Variants in ZNF683 observed in about 807,000 individuals in gnomAD.
ZNF683 encodes the protein zinc finger protein 683, also known as tissue-resident T-cell transcription regulator protein ZNF683.
A neutral mutation model predicts 31.4 loss-of-function variants in ZNF683; 20 were observed. That is an observed-to-expected ratio of 0.64 (90% confidence interval 0.45 to 0.93). ZNF683 has a LOEUF of 0.93. Ranked by LOEUF, ZNF683 falls within the 40% of genes least tolerant of loss-of-function variation. ZNF683 has a pLI of 0.00. For missense variants in ZNF683, 621 were observed against 637.2 expected (o/e 0.97, Z 0.27); for synonymous variants, 264 against 267.6 (o/e 0.99, Z 0.13).
intron 3 of ZNF683, among the ~76,000 whole-genome samples, chr1:26,366,342 C>CAAA (rs1173737722): frequency 2.3e-4 from 16 of 68,952 alleles, no homozygotes; most frequent in East Asian, 5.8e-4. Flanking sequence ...CAGCCTATCT[C>CAAA]AAAAAAAAAA....
At chr1:26,363,213 GTCC>G (rs2124121454) in intron 4 of ZNF683, 59 bp from the exon 5 acceptor site, 1 of 1,558,194 alleles carries the variant, frequency 6.4e-7, no homozygotes, top group Non-Finnish European at 8.7e-7. Flanking sequence ...AGGGCCTGAG[GTCC>G]TCTCCAAATC....
At chr1:26,373,744 C>A (rs1162498101), upstream of ZNF683, among the ~76,000 whole-genome samples, 1 of 152,174 alleles carries the variant, frequency 6.6e-6, no homozygotes, top group African/African-American at 2.4e-5. Flanking sequence ...ATTATACATG[C>A]CCAGAATAGA....
Position 26,361,719 on chromosome 1 carries a change from T to G in ZNF683, c.1447A>C (p.Lys483Gln). ...EVKVSSTSQGKARAVSLSSAG... is the reference protein window; with the variant it reads ...EVKVSSTSQGQARAVSLSSAG... ...CTGCTCAGGCTCACTGCTCTTGCTT[T>G]CCCCTGGGATGTCGAGGACACTTTG... The change falls in exon 6 of 6, where the codon AAA becomes CAA. Residue 483 changes from lysine to glutamine, a missense_variant. Coordinates refer to ENST00000349618, the MANE Select transcript of ZNF683 (RefSeq NM_001114759.3). 1.2e-6 allele frequency: 2 copies of G among 1,614,044 alleles called. No individual in the cohort carries two copies. Among genetic ancestry groups the G allele is most frequent in the Non-Finnish European group, 1.7e-6 (2 of 1,179,892 alleles).
At chr1:26,366,342 C>CAAAAAAAAAAAAAAAAAAAAAA (rs1173737722) in intron 3 of ZNF683, among the ~76,000 whole-genome samples, 2 of 68,980 alleles carry the variant, frequency 2.9e-5, no homozygotes, top group African/African-American at 9.4e-5. Context: ...CAGCCTATCT[C>CAAAAAAAAAAAAAAAAAAAAAA]AAAAAAAAAA....
At chr1:26,368,913 A>G (rs910473510) in intron 1 of ZNF683, among the ~76,000 whole-genome samples, 1 of 152,124 alleles carries the variant, frequency 6.6e-6, no homozygotes, top group African/African-American at 2.4e-5. Context: ...GGAGTTCTAG[A>G]CCAGCCTGGG....
rs1471651719 is a variant in ZNF683 at position 26,365,003 on chromosome 1, G to A, written c.543C>T (p.Ile181=). The change falls in exon 4 of 6, where the codon ATC becomes ATT. Residue 181 remains isoleucine, a synonymous_variant. Coordinates refer to ENST00000349618, the MANE Select transcript of ZNF683 (RefSeq NM_001114759.3). ...AFCPCPPVNS[I]SKELPFLLHA... The stretch of plus-strand genomic sequence containing the variant: ...GGAGGAGAAATGGGAGCTCCTTGGA[G>A]ATGGAGTTGACAGGGGGACAGGGGC... 1.7e-5 allele frequency: 27 copies of A among 1,582,972 alleles called. No homozygotes were observed. Among genetic ancestry groups the A allele is most frequent in the Non-Finnish European group, 2.3e-5 (27 of 1,167,226 alleles).
intron 1 of ZNF683, 29 bp downstream of exon 1, chr1:26,372,640 T>G (rs1289362905): frequency 1.5e-6 from 2 of 1,304,026 alleles, no homozygotes; most frequent in Non-Finnish European, 2.0e-6. Context: ...TAAAAACTAC[T>G]TCCCCTCTAT....
rs770160249 is a variant in ZNF683, at chr1:26,361,964, G to A, written c.1202C>T (p.Ser401Phe). ...ACTGCACTGGAAGGGCCGGGCCCCG[G>A]AGTGCAGGCGCAGGTGGGTCTTGAG... ...SNLKTHLRLH[S>F]GARPFQCSVC... Residue 401 changes from serine (S) to phenylalanine (F), a missense_variant, in exon 6 of 6, where the codon TCC becomes TTC. Ser to Phe is a radical substitution (Grantham distance 155, BLOSUM62 -2). Coordinates refer to ENST00000349618, the MANE Select transcript of ZNF683 (RefSeq NM_001114759.3). 1.2e-5 allele frequency: 19 copies of A among 1,613,880 alleles called. No homozygotes were observed. The highest frequency in any genetic ancestry group is 1.6e-5 in the Non-Finnish European group (19 of 1,179,886).
Position 26,368,667 on chromosome 1 carries a change from C to T in ZNF683, c.-14-82G>A, listed in dbSNP as rs995016424. Reference sequence around the variant, plus strand: ...GTTCTAGGACTGGCTCTCCCATTAACATGCTGCATGACCACAAGTTATTCA... The same window carrying T: ...GTTCTAGGACTGGCTCTCCCATTAATATGCTGCATGACCACAAGTTATTCA... On this transcript the variant is annotated intron_variant, in intron 1 of 5. Transcript: ENST00000349618. 5.6e-6 allele frequency: 8 copies of T among 1,425,838 alleles called. No homozygotes were observed. In the African/African-American group the frequency reaches 1.2e-4, roughly 21 times the overall value. The allele number at this position is 1,425,838 out of a possible 1,614,324, so 88.3% of individuals were successfully genotyped here.
intron 1 of ZNF683, 150 bp from the exon 2 acceptor site, chr1:26,368,735 G>A (rs2074593135): frequency 3.5e-6 from 3 of 853,052 alleles, no homozygotes; most frequent in Admixed American, 3.8e-5. Flanking sequence ...AAAATGGGAA[G>A]GTTGGTCTAG....
chr1:26,371,139 C>G (rs1392459672), intron 1 of ZNF683, among the ~76,000 whole-genome samples: 4 of 152,062 alleles, frequency 2.6e-5, no homozygotes, highest in Admixed American at 6.6e-5. Flanking sequence ...CAGGCAGAGA[C>G]AAGAACAGGC....
At chr1:26,373,710 G>T (rs1037251002), upstream of ZNF683, among the ~76,000 whole-genome samples, 23 of 152,268 alleles carry the variant, frequency 1.5e-4, no homozygotes, top group Middle Eastern at 3.4e-3. Flanking sequence ...AATGGTTTTT[G>T]TAGCTTACAA....
chr1:26,364,247 T>G (rs779541845), intron 4 of ZNF683, among the ~76,000 whole-genome samples: 1 of 152,228 alleles, frequency 6.6e-6, no homozygotes, highest in East Asian at 1.9e-4. Flanking sequence ...AACACTACCG[T>G]TAAATCGGGG....
intron 5 of ZNF683, chr1:26,362,258 G>A: frequency 7.3e-7 from 1 of 1,366,606 alleles, no homozygotes; most frequent in Non-Finnish European, 1.0e-6. Context: ...TCCTCTCTGA[G>A]CCTTCCTCTC....
At chr1:26,369,644 G>C (rs2074618339) in intron 1 of ZNF683, among the ~76,000 whole-genome samples, 1 of 150,304 alleles carries the variant, frequency 6.7e-6, no homozygotes, top group Non-Finnish European at 1.5e-5. Flanking sequence ...TTCTAGCCTG[G>C]GTGACAGAGC....
At chr1:26,364,212 G>T (rs1339057565) in intron 4 of ZNF683, among the ~76,000 whole-genome samples, 1 of 152,222 alleles carries the variant, frequency 6.6e-6, no homozygotes, top group African/African-American at 2.4e-5. Context: ...TCTTTGCCCA[G>T]AGCAAATGTT....
chr1:26,370,724 G>A, intron 1 of ZNF683: 2 of 985,596 alleles, frequency 2.0e-6, no homozygotes, highest in Non-Finnish European at 2.4e-6. Context: ...GGGCAGCCAG[G>A]CCACAGCTGC....
At chr1:26,364,265 A>C (rs933605341) in intron 4 of ZNF683, among the ~76,000 whole-genome samples, 2 of 152,234 alleles carry the variant, frequency 1.3e-5, no homozygotes, top group African/African-American at 4.8e-5. Flanking sequence ...GGGTAATCTT[A>C]GGCAAACGCT....
upstream of ZNF683, among the ~76,000 whole-genome samples, chr1:26,373,795 C>A (rs1433169485): frequency 1.3e-5 from 2 of 152,188 alleles, no homozygotes; most frequent in Non-Finnish European, 2.9e-5. Flanking sequence ...GTCCAAGGAA[C>A]AGAGTAAATA....
Sources: gnomAD v4.1 joint callset for allele counts (sites outside exome capture counted in the v4.1 genomes callset) on GRCh38, gnomAD v4.1.1 for gene constraint, MANE v1.5 for transcripts, NCBI Gene and HGNC (gene_info 2026-07-23, HGNC 2026-07-21) for gene names.